CDH12: variants seen among roughly 807,000 people sequenced by gnomAD.
CDH12 encodes cadherin-12.
Under a neutral mutation model 74.1 loss-of-function variants are expected in CDH12, and 41 were observed. The ratio of observed to expected loss-of-function variants is 0.55; its 90% confidence interval spans 0.43 to 0.72. The LOEUF (loss-of-function observed/expected upper bound fraction) is 0.72. Ranked by LOEUF, CDH12 falls within the 30% of genes least tolerant of loss-of-function variation. CDH12 has a pLI of 0.00. For missense variants in CDH12, 945 were observed against 977.2 expected (o/e 0.97, Z 0.44); for synonymous variants, 399 against 355.0 (o/e 1.12, Z -1.39).
chr5:22,690,761 C>A (rs1236065914), intron 1 of CDH12, among the ~76,000 whole-genome samples: 1 of 152,112 alleles, frequency 6.6e-6, no homozygotes, highest in Non-Finnish European at 1.5e-5. Flanking sequence ...TTATAAAATT[C>A]TAATTTCTGA....
intron 2 of CDH12, among the ~76,000 whole-genome samples, chr5:22,489,195 C>T: frequency 6.6e-6 from 1 of 150,906 alleles, no homozygotes; most frequent in East Asian, 2.0e-4. Flanking sequence ...GTAGCTGGGA[C>T]TACAGGTGCC....
At chr5:22,638,671 G>C (rs559097801) in intron 1 of CDH12, 1 of 152,282 alleles carries the variant, frequency 6.6e-6, no homozygotes, top group East Asian at 1.9e-4. Flanking sequence ...AACCGTCATA[G>C]CTCAATACAT....
In CDH12 at chr5:21,802,335, C is replaced by A; in HGVS notation, c.1088G>T (p.Gly363Val). Residue 363 changes from glycine (G) to valine (V), a missense_variant, in exon 10 of 15, where the codon GGC (glycine) becomes GTC (valine). By Grantham distance (109) the Gly-to-Val change is moderately radical. This residue lies in a region of CDH12 where 791 missense variants were observed against 792.8 expected (regional missense o/e 1.00). Coordinates refer to ENST00000382254, the MANE Select transcript of CDH12 (RefSeq NM_004061.5). Reference sequence around the variant, plus strand: ...CACCGTAGCTGTGTCTTTGAAAGGGCCCGCCGAGTGAAACCGGTGGTCAAG... The same window carrying A: ...CACCGTAGCTGTGTCTTTGAAAGGGACCGCCGAGTGAAACCGGTGGTCAAG... The part of the protein sequence containing the change: ...LHLDHRFHSA[G>V]PFKDTATVKI... 1 of 1,613,738 alleles carries A rather than the reference C, an allele frequency of 6.2e-7. No individual in the cohort carries two copies. The highest frequency in any genetic ancestry group is 8.5e-7 in the Non-Finnish European group (1 of 1,179,934).
At chr5:22,181,042 A>T (rs1749617520) in intron 4 of CDH12, among the ~76,000 whole-genome samples, 1 of 152,114 alleles carries the variant, frequency 6.6e-6, no homozygotes, top group Non-Finnish European at 1.5e-5. Context: ...ACAAAAATAG[A>T]CACACAGACC....
At chr5:22,744,147 A>G (rs1745172899) in intron 1 of CDH12, among the ~76,000 whole-genome samples, 1 of 152,074 alleles carries the variant, frequency 6.6e-6, no homozygotes, top group Non-Finnish European at 1.5e-5. Flanking sequence ...ACTCCAGTAT[A>G]GGCCAGGCGC....
intron 3 of CDH12, among the ~76,000 whole-genome samples, chr5:22,333,543 C>A (rs1228045829): frequency 6.6e-6 from 1 of 152,078 alleles, no homozygotes; most frequent in African/African-American, 2.4e-5. Flanking sequence ...CTGCTAAATT[C>A]TACCAAACAT....
At chr5:21,930,423 T>G (rs1292018180) in intron 6 of CDH12, among the ~76,000 whole-genome samples, 2 of 152,226 alleles carry the variant, frequency 1.3e-5, no homozygotes, top group Non-Finnish European at 2.9e-5. Context: ...AGTAATACAA[T>G]ATCCATATTT....
chr5:22,033,602 C>T (rs1429073956), intron 5 of CDH12, among the ~76,000 whole-genome samples: 9 of 152,002 alleles, frequency 5.9e-5, no homozygotes, highest in Admixed American at 4.6e-4. Context: ...AGAGAAAATG[C>T]CTCTGCAAGA....
intron 5 of CDH12, among the ~76,000 whole-genome samples, chr5:22,015,645 C>G (rs1737556949): frequency 6.6e-6 from 1 of 152,100 alleles, no homozygotes; most frequent in Non-Finnish European, 1.5e-5. Context: ...TGACTTTCAG[C>G]TATTTAAATA....
intron 6 of CDH12, among the ~76,000 whole-genome samples, chr5:21,868,600 GACTT>G (rs1751456351): frequency 6.6e-6 from 1 of 152,138 alleles, no homozygotes; most frequent in Non-Finnish European, 1.5e-5. Context: ...TTGGGCTTTG[GACTT>G]ACTTGAGAAT....
At chr5:21,859,103 T>C (rs1370583599) in intron 6 of CDH12, among the ~76,000 whole-genome samples, 2 of 151,982 alleles carry the variant, frequency 1.3e-5, no homozygotes, top group Non-Finnish European at 2.9e-5. Context: ...TGAAATTGTG[T>C]ATACTTCGAG....
chr5:22,625,971 A>G (rs1372073812), intron 1 of CDH12, among the ~76,000 whole-genome samples: 2 of 151,824 alleles, frequency 1.3e-5, no homozygotes, highest in Non-Finnish European at 2.9e-5. Flanking sequence ...CCCTCCTCCA[A>G]TGGCATGTGT....
intron 8 of CDH12, among the ~76,000 whole-genome samples, chr5:21,819,431 T>C (rs573976861): frequency 1.3e-5 from 2 of 152,140 alleles, no homozygotes; most frequent in East Asian, 1.9e-4. Context: ...AAAATGCCCG[T>C]TAAATGGAAA....
chr5:22,361,062 G>A (rs1307030439), intron 3 of CDH12, among the ~76,000 whole-genome samples: 1 of 152,122 alleles, frequency 6.6e-6, no homozygotes, highest in Non-Finnish European at 1.5e-5. Context: ...TCAACATAGT[G>A]TTGGAAGTTC....
intron 1 of CDH12, among the ~76,000 whole-genome samples, chr5:22,843,274 G>A (rs16900013): frequency 0.013 from 1,998 of 152,066 alleles, 46 homozygotes; most frequent in African/African-American, 0.046. Flanking sequence ...GTTATCCATG[G>A]TGACATGAAC....
chr5:22,161,552 A>AATG (rs1424273676), intron 4 of CDH12, among the ~76,000 whole-genome samples: 5 of 152,020 alleles, frequency 3.3e-5, no homozygotes, highest in African/African-American at 1.2e-4. Flanking sequence ...TAATAATAAT[A>AATG]ATAAATTGCC....
chr5:22,718,603 T>C (rs1018831854), intron 1 of CDH12, among the ~76,000 whole-genome samples: 3 of 152,188 alleles, frequency 2.0e-5, no homozygotes, highest in African/African-American at 7.2e-5. Flanking sequence ...TTGCCCACTG[T>C]GTAGTATAAC....
intron 1 of CDH12, among the ~76,000 whole-genome samples, chr5:22,830,792 TAGAG>T (rs952363348): frequency 1.3e-5 from 2 of 151,636 alleles, no homozygotes; most frequent in African/African-American, 4.8e-5. Flanking sequence ...TATATTCCAT[TAGAG>T]AGAAAGAAAA....
intron 10 of CDH12, among the ~76,000 whole-genome samples, chr5:21,795,761 C>T (rs1746744892): frequency 6.6e-6 from 1 of 151,972 alleles, no homozygotes. Flanking sequence ...TCTCTTTCTT[C>T]TCTCTCCCAA....
Sources: gnomAD v4.1 joint callset for allele counts (sites outside exome capture counted in the v4.1 genomes callset) on GRCh38, gnomAD v4.1.1 for gene constraint, gnomAD v4.1.1 regional missense constraint, MANE v1.5 for transcripts, NCBI Gene and HGNC (gene_info 2026-07-23, HGNC 2026-07-21) for gene names.